NKAIN2: variants seen among roughly 807,000 people sequenced by gnomAD.
NKAIN2 encodes sodium/potassium transporting ATPase interacting 2.
In NKAIN2, 14 loss-of-function variants were observed where a neutral mutation model predicts 32.6. The ratio of observed to expected loss-of-function variants is 0.43; its 90% CI spans 0.28 to 0.67. NKAIN2 has a LOEUF of 0.67. NKAIN2 is among the 30% of genes least tolerant of loss of function. NKAIN2 has a pLI of 0.17. For synonymous variants in NKAIN2, 80 were observed against 87.2 expected, an observed-to-expected ratio of 0.92 and a Z score of 0.46; for missense variants, 198 against 258.3, an observed-to-expected ratio of 0.77 and a Z score of 1.60.
chr6:124,362,585 T>A (rs952476438), intron 3 of NKAIN2, among the ~76,000 whole-genome samples: 6 of 152,162 alleles, frequency 3.9e-5, no homozygotes, highest in African/African-American at 1.4e-4. Flanking sequence ...TAAACTATCA[T>A]CTTTACACAT....
At chr6:124,813,364 T>G (rs980018679) in intron 5 of NKAIN2, among the ~76,000 whole-genome samples, 1 of 152,084 alleles carries the variant, frequency 6.6e-6, no homozygotes, top group African/African-American at 2.4e-5. Flanking sequence ...GCAAATTTTC[T>G]AGAAAGAACA....
At chr6:123,874,991 G>T (rs1309753673) in intron 1 of NKAIN2, among the ~76,000 whole-genome samples, 1 of 151,828 alleles carries the variant, frequency 6.6e-6, no homozygotes, top group Non-Finnish European at 1.5e-5. Context: ...TTAATGATTT[G>T]AGCTCATACT....
intron 1 of NKAIN2, among the ~76,000 whole-genome samples, chr6:124,039,637 G>A (rs1781775302): frequency 6.6e-6 from 1 of 151,544 alleles, no homozygotes; most frequent in Admixed American, 6.6e-5. Flanking sequence ...TTTAACAATA[G>A]GCAATTCATG....
intron 4 of NKAIN2, among the ~76,000 whole-genome samples, chr6:124,745,923 A>G (rs1777431989): frequency 6.6e-6 from 1 of 151,926 alleles, no homozygotes; most frequent in African/African-American, 2.4e-5. Context: ...AGAATTATTA[A>G]CTGAATGTCA....
intron 3 of NKAIN2, among the ~76,000 whole-genome samples, chr6:124,620,572 G>A (rs368314628): frequency 3.7e-4 from 57 of 152,244 alleles, no homozygotes; most frequent in African/African-American, 1.3e-3. Context: ...TAGAGTATGA[G>A]ACCCAATAAA....
At chr6:124,445,885 T>G (rs1005758086) in intron 3 of NKAIN2, among the ~76,000 whole-genome samples, 1 of 152,132 alleles carries the variant, frequency 6.6e-6, no homozygotes, top group African/African-American at 2.4e-5. Context: ...AGATTGCCAG[T>G]GGTTCATTCA....
Position 124,267,304 on chromosome 6 carries a change from C to T in NKAIN2, c.55-15701C>T, listed in dbSNP as rs567376899. The stretch of plus-strand genomic sequence containing the variant: ...AGATATCAAAAATGCTAATTGCTAC[C>T]ACTCTTTAGGCTTCTATTTCTTCCA... On this transcript the variant is annotated intron_variant, in intron 1 of 6. Coordinates refer to ENST00000368417, the MANE Select transcript of NKAIN2 (RefSeq NM_001040214.3). 6.4e-4 allele frequency among the ~76,000 whole-genome samples: 97 copies of T among 151,952 alleles called. No homozygotes were observed. The South Asian group carries it at 0.02, about 31-fold the overall frequency.
intron 2 of NKAIN2, among the ~76,000 whole-genome samples, chr6:124,340,753 A>T (rs1004374966): frequency 2.0e-5 from 3 of 152,194 alleles, no homozygotes; most frequent in Non-Finnish European, 4.4e-5. Context: ...ACATACATGC[A>T]GGGTAATGTT....
intron 3 of NKAIN2, among the ~76,000 whole-genome samples, chr6:124,574,673 G>A (rs1781261163): frequency 6.6e-6 from 1 of 152,050 alleles, no homozygotes; most frequent in African/African-American, 2.4e-5. Flanking sequence ...CAGTGAAAAT[G>A]GCAAATCTAT....
intron 1 of NKAIN2, among the ~76,000 whole-genome samples, chr6:124,094,618 C>T (rs1231058405): frequency 2.0e-5 from 3 of 152,016 alleles, no homozygotes; most frequent in African/African-American, 7.2e-5. Flanking sequence ...AGCTTGTTTC[C>T]ACTCACATAG....
intron 1 of NKAIN2, among the ~76,000 whole-genome samples, chr6:124,205,896 G>A (rs1206152680): frequency 6.6e-6 from 1 of 151,798 alleles, no homozygotes; most frequent in Non-Finnish European, 1.5e-5. Flanking sequence ...TTAAACAACA[G>A]GTTTACTGTT....
intron 1 of NKAIN2, among the ~76,000 whole-genome samples, chr6:124,001,159 T>G (rs564260556): frequency 4.6e-5 from 7 of 152,266 alleles, no homozygotes; most frequent in African/African-American, 1.7e-4. Context: ...TATAATCTGT[T>G]TTTATTTTTT....
Position 124,648,066 on chromosome 6 carries a change from G to C in NKAIN2, c.274-10120G>C, listed in dbSNP as rs147359101. Reference sequence around the variant, plus strand: ...ATCATCTCCAAGTAAAACAAACAAAGAACACTTTACTCAAGACCATTGCAA... The same window carrying C: ...ATCATCTCCAAGTAAAACAAACAAACAACACTTTACTCAAGACCATTGCAA... On this transcript the variant is annotated intron_variant, in intron 3 of 6. Coordinates refer to ENST00000368417, the MANE Select transcript of NKAIN2 (RefSeq NM_001040214.3). Among the ~76,000 whole-genome samples, 10 of 152,226 alleles carry C rather than the reference G, an allele frequency of 6.6e-5. No individual in the cohort carries two copies. The East Asian group carries it at 1.4e-3, about 21-fold the overall frequency.
rs1023782300 is a variant in NKAIN2 at position 124,542,235 on chromosome 6, A to T, written c.274-115951A>T. The stretch of plus-strand genomic sequence containing the variant: ...AACTATACCATTCATTCTGAGCTAA[A>T]TAAAACTGGAATTTAAGAAGACAAA... On this transcript the variant is annotated intron_variant, in intron 3 of 6. Coordinates refer to ENST00000368417, the MANE Select transcript of NKAIN2 (RefSeq NM_001040214.3). 9.2e-5 allele frequency among the ~76,000 whole-genome samples: 14 copies of T among 152,270 alleles called. 2 individuals are homozygous for T. Among genetic ancestry groups the T allele is most frequent in the Admixed American group, 2.6e-4 (4 of 15,284 alleles).
chr6:124,306,288 C>G (rs1194613436), intron 2 of NKAIN2, among the ~76,000 whole-genome samples: 2 of 152,044 alleles, frequency 1.3e-5, no homozygotes, highest in East Asian at 3.9e-4. Context: ...CAAGAAATAC[C>G]AGGGAACACT....
intron 4 of NKAIN2, among the ~76,000 whole-genome samples, chr6:124,700,795 C>CA (rs925211692): frequency 3.3e-5 from 5 of 151,644 alleles, no homozygotes; most frequent in African/African-American, 1.2e-4. Flanking sequence ...CCTCAGATAA[C>CA]AGATTAGGGT....
intron 6 of NKAIN2, 30 bp downstream of exon 6, chr6:124,818,498 TG>T (rs2114878492): frequency 9.4e-7 from 1 of 1,063,742 alleles, no homozygotes; most frequent in East Asian, 2.4e-5. Flanking sequence ...GGTACTCTTC[TG>T]GGGTACTAAA....
intron 3 of NKAIN2, among the ~76,000 whole-genome samples, chr6:124,517,545 C>T (rs547899525): frequency 3.9e-5 from 6 of 152,240 alleles, no homozygotes; most frequent in Non-Finnish European, 5.9e-5. Flanking sequence ...ACAGACCCTT[C>T]GAGGCAAGGC....
chr6:124,435,250 A>T (rs1216478070), intron 3 of NKAIN2, among the ~76,000 whole-genome samples: 1 of 152,060 alleles, frequency 6.6e-6, no homozygotes, highest in Non-Finnish European at 1.5e-5. Context: ...AAATCAAGGA[A>T]AGTCAGAGGC....
Sources: gnomAD v4.1 joint callset for allele counts (sites outside exome capture counted in the v4.1 genomes callset) on GRCh38, gnomAD v4.1.1 for gene constraint, MANE v1.5 for transcripts, NCBI Gene and HGNC (gene_info 2026-07-23, HGNC 2026-07-21) for gene names.